The following ELMO1 variants were observed in gnomAD, a reference collection of about 807,000 sequenced individuals.
ELMO1 encodes the protein engulfment and cell motility 1, also known as engulfment and cell motility protein 1.
ELMO1 carries 26 observed loss-of-function variants against 98.9 expected under a neutral mutation model. That is an observed-to-expected ratio of 0.26 (90% CI 0.19 to 0.36). ELMO1 has a LOEUF of 0.36. Among genes scored for constraint, ELMO1 ranks in the 10% least tolerant of loss-of-function variants. The pLI is 1.00. For synonymous variants in ELMO1, 346 were observed against 346.0 expected (o/e 1.00, Z 0.00); for missense variants, 627 against 935.2 (o/e 0.67, Z 4.30).
chr7:37,430,078 G>A (rs148118828), intron 1 of ELMO1, among the ~76,000 whole-genome samples: 1 of 152,182 alleles, frequency 6.6e-6, no homozygotes, highest in African/African-American at 2.4e-5. Context: ...GAAAAATTTG[G>A]CATTGACGGA....
chr7:37,137,034 C>G (rs1787309319), intron 13 of ELMO1, among the ~76,000 whole-genome samples: 1 of 152,106 alleles, frequency 6.6e-6, no homozygotes, highest in African/African-American at 2.4e-5. Flanking sequence ...TCACCTAACA[C>G]ATAAGGACTC....
intron 4 of ELMO1, 137 bp from the exon 5 acceptor site, chr7:37,272,019 A>C: frequency 1.4e-6 from 1 of 721,808 alleles, no homozygotes; most frequent in Non-Finnish European, 2.3e-6. Flanking sequence ...TATTTCTATA[A>C]AGGCTGTTAA....
At chr7:37,418,042 G>C (rs1804303627) in intron 1 of ELMO1, among the ~76,000 whole-genome samples, 1 of 152,092 alleles carries the variant, frequency 6.6e-6, no homozygotes, top group Non-Finnish European at 1.5e-5. Flanking sequence ...CTAGAGCTGT[G>C]AGAGAACAAA....
chr7:37,330,101 T>G (rs1462550839), intron 2 of ELMO1, among the ~76,000 whole-genome samples: 2 of 152,360 alleles, frequency 1.3e-5, no homozygotes, highest in East Asian at 3.9e-4. Flanking sequence ...CAGATCCAAG[T>G]GGCCAAATCC....
chr7:36,919,352 C>G (rs747731406), intron 16 of ELMO1: 3 of 531,078 alleles, frequency 5.6e-6, no homozygotes, highest in South Asian at 4.2e-5. Context: ...GACTTTGGGA[C>G]TTCAGGCTAT....
intron 1 of ELMO1, among the ~76,000 whole-genome samples, chr7:37,367,802 T>G (rs1583635074): frequency 6.6e-6 from 1 of 152,156 alleles, no homozygotes; most frequent in Non-Finnish European, 1.5e-5. Context: ...GTAATTTGCA[T>G]GAAATTATTT....
intron 16 of ELMO1, among the ~76,000 whole-genome samples, chr7:36,988,810 G>C (rs902644686): frequency 3.9e-5 from 6 of 152,222 alleles, no homozygotes; most frequent in African/African-American, 1.4e-4. Context: ...TGTAAGACCA[G>C]ACCAGCAGAT....
intron 11 of ELMO1, 49 bp from the exon 12 acceptor site, chr7:37,213,506 A>G: frequency 1.3e-6 from 2 of 1,541,438 alleles, no homozygotes; most frequent in Non-Finnish European, 1.8e-6. Flanking sequence ...AAAGAAAAGG[A>G]AACAACTAGA....
chr7:37,152,949 G>A (rs1345777211), intron 13 of ELMO1, among the ~76,000 whole-genome samples: 1 of 152,172 alleles, frequency 6.6e-6, no homozygotes, highest in African/African-American at 2.4e-5. Flanking sequence ...ATGTCTCCAA[G>A]GGGTATCTGC....
At chr7:37,421,333 T>C (rs953847268) in intron 1 of ELMO1, among the ~76,000 whole-genome samples, 7 of 152,238 alleles carry the variant, frequency 4.6e-5, no homozygotes, top group Non-Finnish European at 7.3e-5. Context: ...TCTTTCTACC[T>C]TGCCCACCAC....
At chr7:37,240,495 T>C (rs1483396149) in intron 7 of ELMO1, among the ~76,000 whole-genome samples, 7 of 152,166 alleles carry the variant, frequency 4.6e-5, no homozygotes, top group Admixed American at 4.6e-4. Flanking sequence ...CCTATTTCAT[T>C]GGTTAGTATT....
intron 4 of ELMO1, among the ~76,000 whole-genome samples, chr7:37,304,284 G>A (rs1798489410): frequency 1.3e-5 from 2 of 152,212 alleles, no homozygotes; most frequent in African/African-American, 4.8e-5. Context: ...ATGGCTGGCT[G>A]AAGCCCAATG....
intron 13 of ELMO1, among the ~76,000 whole-genome samples, chr7:37,155,835 T>C (rs13230199): frequency 0.84 from 128,001 of 152,098 alleles, 55,709 homozygotes; most frequent in Non-Finnish European, 0.95. Flanking sequence ...TAATAGACAT[T>C]TACAGAACTC....
chr7:37,354,935 T>G (rs771460497), intron 1 of ELMO1, among the ~76,000 whole-genome samples: 3 of 152,250 alleles, frequency 2.0e-5, no homozygotes, highest in East Asian at 1.9e-4. Flanking sequence ...CCTAGAACAT[T>G]TGATTGCATC....
At chr7:37,327,252 T>C (rs530835384) in intron 2 of ELMO1, among the ~76,000 whole-genome samples, 45 of 152,390 alleles carry the variant, frequency 3.0e-4, no homozygotes, top group African/African-American at 9.9e-4. Flanking sequence ...CCTTATGGTC[T>C]GCTTACCTTC....
chr7:37,224,786 C>A, intron 9 of ELMO1, 93 bp downstream of exon 9: 1 of 1,516,462 alleles, frequency 6.6e-7, no homozygotes, highest in Admixed American at 2.0e-5. Context: ...GTACATTTAA[C>A]CAAACTATAA....
At chr7:36,863,386 T>C (rs1424670107) in intron 20 of ELMO1, among the ~76,000 whole-genome samples, 1 of 152,192 alleles carries the variant, frequency 6.6e-6, no homozygotes, top group African/African-American at 2.4e-5. Context: ...CCTTTTAATT[T>C]ACAATTAAAA....
rs1793581996 is a variant in ELMO1 at position 37,221,317 on chromosome 7, A to AAG, written c.780+1296_780+1297dup. 2.6e-5 allele frequency among the ~76,000 whole-genome samples: 4 copies of AAG among 152,236 alleles called. No homozygotes were observed. In the South Asian group the frequency reaches 8.3e-4, roughly 32 times the overall value. ...AGGTTTAAAATCCTTGGCAATGAAA[A>AAG]AGCAAAATAAAATCCAAAAATTCTT... On this transcript the variant is annotated intron_variant, in intron 10 of 21. Transcript: ENST00000310758.
At chr7:37,103,751 C>T (rs1169475855) in intron 14 of ELMO1, among the ~76,000 whole-genome samples, 3 of 151,858 alleles carry the variant, frequency 2.0e-5, no homozygotes, top group Non-Finnish European at 4.4e-5. Context: ...AATCCCAGCA[C>T]TTTGGGAGGC....
Sources: gnomAD v4.1 joint callset for allele counts (sites outside exome capture counted in the v4.1 genomes callset) on GRCh38, gnomAD v4.1.1 for gene constraint, MANE v1.5 for transcripts, NCBI Gene and HGNC (gene_info 2026-07-23, HGNC 2026-07-21) for gene names.